CSGALNACT1: variants seen among roughly 807,000 people sequenced by gnomAD.
CSGALNACT1 encodes the protein beta4GalNAcT-1.
In CSGALNACT1, 52 loss-of-function variants were observed where a neutral mutation model predicts 51.0. That is an observed-to-expected ratio of 1.02 (90% CI 0.82 to 1.29). CSGALNACT1 has a LOEUF of 1.29. CSGALNACT1 is among the 50% of genes most tolerant of loss of function. The pLI, the probability that CSGALNACT1 is intolerant of heterozygous loss-of-function variation, is 0.00. For missense variants in CSGALNACT1, 935 were observed against 679.2 expected (o/e 1.38, Z -4.19); for synonymous variants, 341 against 254.4 (o/e 1.34, Z -3.24).
intron 3 of CSGALNACT1, among the ~76,000 whole-genome samples, chr8:19,549,656 C>CTTTTTTTTT (rs542956513): frequency 7.2e-5 from 6 of 83,460 alleles, no homozygotes; most frequent in African/African-American, 1.8e-4. Context: ...CAATTTCCTA[C>CTTTTTTTTT]TTTTTTTTTT....
intron 3 of CSGALNACT1, among the ~76,000 whole-genome samples, chr8:19,553,584 T>C (rs1197170623): frequency 7.0e-6 from 1 of 143,748 alleles, no homozygotes; most frequent in Non-Finnish European, 1.5e-5. Context: ...GCTCAAACCA[T>C]ATATATATAT....
exon 4 of CSGALNACT1, chr8:19,505,340 G>A (rs977453536): frequency 3.1e-6 from 5 of 1,614,192 alleles, no homozygotes; most frequent in East Asian, 2.2e-5. Context: ...CCTCGGGGTG[G>A]CGGGTAAGGC....
chr8:19,547,081 A>G (rs1288147788), intron 3 of CSGALNACT1, among the ~76,000 whole-genome samples: 2 of 152,216 alleles, frequency 1.3e-5, no homozygotes, highest in Non-Finnish European at 2.9e-5. Context: ...ACCCAAGAAT[A>G]TAACAAATAT....
chr8:19,672,715 T>TACC (rs151286621), intron 1 of CSGALNACT1, among the ~76,000 whole-genome samples: 3 of 29,742 alleles, frequency 1.0e-4, no homozygotes, highest in Non-Finnish European at 1.9e-4. Context: ...ATTCCAACCA[T>TACC]AGTATTTAGC....
At chr8:19,470,734 C>T (rs753658260) in intron 4 of CSGALNACT1, among the ~76,000 whole-genome samples, 8 of 152,058 alleles carry the variant, frequency 5.3e-5, no homozygotes, top group South Asian at 2.1e-4. Context: ...GATCCACACC[C>T]GTTAACATCA....
chr8:19,526,992 A>T (rs1463224284), intron 3 of CSGALNACT1, among the ~76,000 whole-genome samples: 2 of 152,222 alleles, frequency 1.3e-5, no homozygotes, highest in African/African-American at 4.8e-5. Flanking sequence ...ATCCGTATCT[A>T]TATGACTCAC....
chr8:19,517,504 C>T (rs971502578), intron 3 of CSGALNACT1, among the ~76,000 whole-genome samples: 1 of 152,110 alleles, frequency 6.6e-6, no homozygotes, highest in African/African-American at 2.4e-5. Flanking sequence ...CTGTGGAAGG[C>T]TCTCCTGCAA....
chr8:19,453,766 G>A (rs891694149), intron 5 of CSGALNACT1, among the ~76,000 whole-genome samples: 1 of 152,142 alleles, frequency 6.6e-6, no homozygotes, highest in Non-Finnish European at 1.5e-5. Flanking sequence ...ACCAAAAGCA[G>A]CTGGGCGTCG....
At chr8:19,633,183 G>A (rs747468655) in intron 1 of CSGALNACT1, among the ~76,000 whole-genome samples, 23 of 152,088 alleles carry the variant, frequency 1.5e-4, no homozygotes, top group Admixed American at 7.9e-4. Flanking sequence ...GATTATCCCT[G>A]CCGAATTAAG....
chr8:19,471,648 G>C lies in CSGALNACT1; in HGVS notation c.635-13006C>G, dbSNP rs539124077. Among the ~76,000 whole-genome samples the C allele has an allele frequency of 3.1e-3, 470 of 152,262 alleles. 2 individuals carry two copies. Among genetic ancestry groups the C allele is most frequent in the Non-Finnish European group, 5.6e-3 (379 of 68,016 alleles). ...TCCTATCTCTTCCACCGGTAACAGA[G>C]GGGTTACATTATGGGGTCCAGGTTG... On this transcript the variant is annotated intron_variant, in intron 4 of 9. Transcript: ENST00000454498.
exon 1 of CSGALNACT1, chr8:19,602,169 A>T (rs574645455): frequency 4.8e-6 from 1 of 208,096 alleles, no homozygotes; most frequent in Admixed American, 5.7e-5. Context: ...CTCGCAGGAA[A>T]GAAACGTGCC....
At chr8:19,755,028 C>T (rs1436768180) in intron 1 of CSGALNACT1, among the ~76,000 whole-genome samples, 1 of 152,176 alleles carries the variant, frequency 6.6e-6, no homozygotes, top group African/African-American at 2.4e-5. Context: ...CAAAGAATAA[C>T]TTCATTACAT....
chr8:19,536,778 T>C (rs1181951884), intron 3 of CSGALNACT1, among the ~76,000 whole-genome samples: 1 of 152,098 alleles, frequency 6.6e-6, no homozygotes, highest in African/African-American at 2.4e-5. Context: ...GCTACAGCAG[T>C]TGAGACTGGC....
At chr8:19,435,349 T>C (rs918018691) in intron 6 of CSGALNACT1, among the ~76,000 whole-genome samples, 1 of 151,996 alleles carries the variant, frequency 6.6e-6, no homozygotes, top group Admixed American at 6.6e-5. Context: ...AAGAATTCGC[T>C]GGGTGTGGTG....
At chr8:19,434,533 A>G (rs954669592) in intron 6 of CSGALNACT1, among the ~76,000 whole-genome samples, 6 of 152,232 alleles carry the variant, frequency 3.9e-5, no homozygotes, top group Admixed American at 1.3e-4. Context: ...TATAATAATC[A>G]TACTCAGGAA....
intron 1 of CSGALNACT1, among the ~76,000 whole-genome samples, chr8:19,635,058 T>G (rs2055844580): frequency 6.6e-6 from 1 of 152,262 alleles, no homozygotes; most frequent in Admixed American, 6.5e-5. Context: ...AGCAAATTTC[T>G]AAATGATTGT....
intron 3 of CSGALNACT1, among the ~76,000 whole-genome samples, chr8:19,522,682 G>A (rs2080961417): frequency 6.6e-6 from 1 of 152,174 alleles, no homozygotes; most frequent in Admixed American, 6.5e-5. Context: ...GTGAAGTTCT[G>A]ACCTGCAAAG....
intron 4 of CSGALNACT1, among the ~76,000 whole-genome samples, chr8:19,464,112 G>A (rs1490479371): frequency 6.6e-6 from 1 of 152,096 alleles, no homozygotes. Flanking sequence ...TAAACTTTCT[G>A]CCTGCAAAAC....
chr8:19,746,498 G>T (rs921103794), intron 1 of CSGALNACT1, among the ~76,000 whole-genome samples: 6 of 152,122 alleles, frequency 3.9e-5, no homozygotes, highest in African/African-American at 1.4e-4. Flanking sequence ...TAAGTAGCTG[G>T]GTCATCTTAG....
Sources: allele counts gnomAD v4.1 joint callset (sites outside exome capture counted in the v4.1 genomes callset), GRCh38; gene constraint gnomAD v4.1.1; transcripts MANE v1.5; gene names NCBI Gene and HGNC (gene_info 2026-07-23, HGNC 2026-07-21).